The following DAB1 variants were observed in gnomAD, a reference collection of about 807,000 sequenced individuals.
DAB1 encodes disabled homolog 1.
A neutral mutation model predicts 64.6 loss-of-function variants in DAB1; 15 were observed. The ratio of observed to expected loss-of-function variants is 0.23; its 90% CI spans 0.16 to 0.36. The LOEUF is 0.36. Ranked by LOEUF, DAB1 falls within the 10% of genes least tolerant of loss-of-function variation. DAB1 has a pLI of 1.00. For synonymous variants in DAB1, 235 were observed against 251.9 expected (o/e 0.93, Z 0.64); for missense variants, 596 against 706.7 (o/e 0.84, Z 1.78).
chr1:57,539,789 G>A (rs923413344), intron 7 of DAB1, among the ~76,000 whole-genome samples: 8 of 152,176 alleles, frequency 5.3e-5, no homozygotes, highest in African/African-American at 9.7e-5. Context: ...ATGAAGCTAC[G>A]TCAGGTGAGT....
intron 2 of DAB1, among the ~76,000 whole-genome samples, chr1:57,208,114 T>C (rs78976724): frequency 7.4e-4 from 113 of 152,272 alleles, no homozygotes; most frequent in Non-Finnish European, 1.5e-3. Context: ...AAAGAGAAAG[T>C]AGACCATAAA....
intron 5 of DAB1, among the ~76,000 whole-genome samples, chr1:58,013,918 T>C (rs1646704570): frequency 6.6e-6 from 1 of 151,048 alleles, no homozygotes; most frequent in Non-Finnish European, 1.5e-5. Flanking sequence ...CTTTTTAAGA[T>C]GACTGTAGTA....
chr1:57,887,434 A>T (rs1644240441), upstream of DAB1, among the ~76,000 whole-genome samples: 1 of 152,236 alleles, frequency 6.6e-6, no homozygotes, highest in Non-Finnish European at 1.5e-5. Context: ...CCAATTCTTA[A>T]CTCACTACTG....
At chr1:57,630,454 AT>A (rs1645976005) in intron 7 of DAB1, among the ~76,000 whole-genome samples, 1 of 152,200 alleles carries the variant, frequency 6.6e-6, no homozygotes. Context: ...CGAGAAAAAA[AT>A]GTTAGTTATT....
At chr1:57,801,327 G>A (rs965490399) in intron 6 of DAB1, among the ~76,000 whole-genome samples, 11 of 152,142 alleles carry the variant, frequency 7.2e-5, no homozygotes, top group Non-Finnish European at 1.3e-4. Flanking sequence ...GTTATCCACG[G>A]GTATGTAAAG....
chr1:57,840,307 A>G (rs548687175), intron 1 of DAB1, among the ~76,000 whole-genome samples: 1 of 152,186 alleles, frequency 6.6e-6, no homozygotes, highest in Non-Finnish European at 1.5e-5. Flanking sequence ...AGCTAAAAGG[A>G]TATAGAAAAA....
rs11802136 is a variant in DAB1 at position 57,691,920 on chromosome 1, C to T, written n.552-42255G>A. On this transcript the variant is annotated intron_variant and non_coding_transcript_variant, in intron 6 of 20. Transcript: ENST00000485760. ...AGTTAAAAGCAAATAGCATGGCTGCCGGACTAAAGACATGGGTGTCAGGCT... is the reference window on the plus strand; with the variant it reads ...AGTTAAAAGCAAATAGCATGGCTGCTGGACTAAAGACATGGGTGTCAGGCT... Among the ~76,000 whole-genome samples the T allele has an allele frequency of 3.1e-3, 478 of 152,134 alleles. 2 individuals are homozygous for T. The highest frequency in any genetic ancestry group is 0.01 in the African/African-American group (435 of 41,516).
intron 5 of DAB1, among the ~76,000 whole-genome samples, chr1:57,973,062 T>TG (rs1645836977): frequency 6.6e-6 from 1 of 152,178 alleles, no homozygotes; most frequent in African/African-American, 2.4e-5. Flanking sequence ...GATTCTGAGA[T>TG]GGGGGGACTA....
intron 7 of DAB1, among the ~76,000 whole-genome samples, chr1:57,580,084 C>T (rs190329448): frequency 2.7e-5 from 4 of 150,834 alleles, no homozygotes; most frequent in African/African-American, 4.8e-5. Context: ...TGTAGCACAG[C>T]GGCTGTCCCT....
At chr1:57,278,187 C>A (rs1318676090) in intron 2 of DAB1, among the ~76,000 whole-genome samples, 1 of 152,168 alleles carries the variant, frequency 6.6e-6, no homozygotes, top group Non-Finnish European at 1.5e-5. Flanking sequence ...AAATACCTGT[C>A]CTTCTATTTA....
intron 4 of DAB1, among the ~76,000 whole-genome samples, chr1:58,152,820 T>A (rs1655015849): frequency 6.6e-6 from 1 of 152,210 alleles, no homozygotes; most frequent in African/African-American, 2.4e-5. Flanking sequence ...CAACATCTAT[T>A]AGCCAATATA....
At chr1:57,581,945 G>A (rs1011508757) in intron 7 of DAB1, among the ~76,000 whole-genome samples, 2 of 152,132 alleles carry the variant, frequency 1.3e-5, no homozygotes, top group African/African-American at 2.4e-5. Context: ...TTGAGGCTGG[G>A]AAGTCCAAGA....
chr1:58,535,665 A>G (rs1646505678), intron 1 of DAB1, among the ~76,000 whole-genome samples: 2 of 152,026 alleles, frequency 1.3e-5, no homozygotes, highest in African/African-American at 2.4e-5. Flanking sequence ...CATGAATTCG[A>G]AAAATATTAA....
In DAB1 at chr1:57,954,845, T is replaced by A. The variant is rs146514815; in HGVS notation, n.388-70683A>T. Among the ~76,000 whole-genome samples the A allele has an allele frequency of 3.5e-3, 532 of 152,280 alleles. 9 individuals are homozygous for A. The highest frequency in any genetic ancestry group is 7.4e-4 in the Non-Finnish European group (50 of 68,020). On this transcript the variant is annotated intron_variant and non_coding_transcript_variant, in intron 5 of 20. Coordinates refer to the DAB1 transcript ENST00000485760. ...GTTTATAGAGTGCCTTCACACCCATTACCTCATTTTATCCTTATAACAGTT... is the reference window on the plus strand; with the variant it reads ...GTTTATAGAGTGCCTTCACACCCATAACCTCATTTTATCCTTATAACAGTT...
intron 4 of DAB1, among the ~76,000 whole-genome samples, chr1:57,114,114 G>C (rs998887935): frequency 5.3e-5 from 8 of 152,074 alleles, no homozygotes; most frequent in African/African-American, 1.7e-4. Flanking sequence ...TGTAGAACTG[G>C]GGATCACTCA....
intron 3 of DAB1, among the ~76,000 whole-genome samples, chr1:58,462,058 CAG>C (rs1557770605): frequency 1.3e-5 from 2 of 150,270 alleles, no homozygotes; most frequent in Non-Finnish European, 2.9e-5. Context: ...CCCAAGGACT[CAG>C]GGGGGTAATT....
At position 57,585,248 on chromosome 1, in the gene DAB1, G is replaced by GAAAAAAA. The variant is rs61528761; in HGVS notation, n.625+64337_625+64343dup. Among the ~76,000 whole-genome samples, 6 of 44,266 alleles carry GAAAAAAA rather than the reference G, an allele frequency of 1.4e-4. 2 individuals carry two copies. The highest frequency in any genetic ancestry group is 5.7e-4 in the African/African-American group (6 of 10,484). 29.0% of individuals were successfully genotyped at this position (44,266 alleles called of 152,430 possible). A position where few individuals can be genotyped will look rare whatever the true frequency, so the allele number is the denominator to read the frequency against. ...TGGGCGACAGGATGAGACTCTTTCT[G>GAAAAAAA]AAAAAAAAAAAAAAAAAAAAAAAAA... On this transcript the variant is annotated intron_variant and non_coding_transcript_variant, in intron 7 of 20. Transcript: ENST00000485760.
chr1:58,217,783 G>A (rs1658934230), intron 4 of DAB1, among the ~76,000 whole-genome samples: 1 of 152,052 alleles, frequency 6.6e-6, no homozygotes, highest in African/African-American at 2.4e-5. Flanking sequence ...TATGTAGCAT[G>A]CACTTTTTAA....
chr1:57,019,314 G>A (rs1157907695), intron 11 of DAB1, among the ~76,000 whole-genome samples: 1 of 152,162 alleles, frequency 6.6e-6, no homozygotes, highest in African/African-American at 2.4e-5. Context: ...GATCTCTGAT[G>A]ATTCTACTGT....
Sources: allele counts gnomAD v4.1 joint callset (sites outside exome capture counted in the v4.1 genomes callset), GRCh38; gene constraint gnomAD v4.1.1; transcripts MANE v1.5; gene names NCBI Gene and HGNC (gene_info 2026-07-23, HGNC 2026-07-21).